PIN4: variants seen among roughly 807,000 people sequenced by gnomAD.
PIN4 encodes the protein peptidyl-prolyl cis-trans isomerase NIMA-interacting 4.
Under a neutral mutation model 8.3 loss-of-function variants are expected in PIN4, and 3 were observed. The ratio of observed to expected loss-of-function variants is 0.36; its 90% CI spans 0.16 to 0.93. The LOEUF is 0.93. Among genes scored for constraint, PIN4 ranks in the 40% least tolerant of loss-of-function variants. The pLI is 0.44. For synonymous variants in PIN4, 18 were observed against 32.5 expected (o/e 0.55, Z 1.52); for missense variants, 75 against 100.6 (o/e 0.75, Z 1.09).
intron 3 of PIN4, chrX:72,239,032 T>G: frequency 1.4e-6 from 1 of 718,779 alleles, no homozygotes; most frequent in Non-Finnish European, 2.0e-6. Flanking sequence ...GCGCATGCTC[T>G]GTGCGCCGTG....
chrX:72,182,662 T>C (rs776601954), intron 1 of PIN4, among the ~76,000 whole-genome samples: 18 of 111,454 alleles, frequency 1.6e-4, no homozygotes, highest in Non-Finnish European at 3.2e-4. Flanking sequence ...TGGGATATAA[T>C]AGAAATTGAG....
chrX:72,249,585 A>T (rs2043079191), intron 3 of PIN4, among the ~76,000 whole-genome samples: 1 of 112,174 alleles, frequency 8.9e-6, no homozygotes. Context: ...AATACCACTC[A>T]GCCACAAAAA....
chrX:72,260,229 G>A (rs931105957), intron 3 of PIN4, among the ~76,000 whole-genome samples: 1 of 112,431 alleles, frequency 8.9e-6, no homozygotes, highest in South Asian at 3.6e-4. Context: ...GCAAAGATAC[G>A]AGAGTGCTCA....
At chrX:72,201,329 T>C (rs1315170402), downstream of PIN4, among the ~76,000 whole-genome samples, 1 of 112,830 alleles carries the variant, frequency 8.9e-6, no homozygotes, top group African/African-American at 3.2e-5. Context: ...GGCTCACGCC[T>C]GTAATCCATC....
chrX:72,255,088 G>A (rs2043104656), intron 3 of PIN4, among the ~76,000 whole-genome samples: 1 of 108,593 alleles, frequency 9.2e-6, no homozygotes, highest in South Asian at 4.1e-4. Flanking sequence ...GCGGCGAGGC[G>A]GGTGGGGGCA....
chrX:72,262,721 G>T, exon 4 of PIN4: 1 of 1,144,148 alleles, frequency 8.7e-7, no homozygotes, highest in Non-Finnish European at 1.2e-6. Flanking sequence ...CCAGCCTGCA[G>T]CAACATGCTG....
rs922729283 is a variant in PIN4, at chrX:72,232,647, A to G, written c.313-30060A>G. On this transcript the variant is annotated intron_variant, in intron 3 of 3. Transcript: ENST00000423432. The stretch of plus-strand genomic sequence containing the variant: ...AACATGACGAAACCCCGTTTCTACT[A>G]AAAACACAAAAAATTAGCCGGGTGT... Among the ~76,000 whole-genome samples the G allele has an allele frequency of 2.7e-5, 3 of 111,218 alleles. No homozygotes were observed. In the Admixed American group the frequency reaches 2.9e-4, roughly 11 times the overall value.
intron 3 of PIN4, among the ~76,000 whole-genome samples, chrX:72,246,848 T>G: frequency 8.9e-6 from 1 of 112,316 alleles, no homozygotes; most frequent in Non-Finnish European, 1.9e-5. Flanking sequence ...TCATTGGGTT[T>G]ATTCCATGGA....
chrX:72,225,187 C>A (rs1234441057), intron 3 of PIN4, among the ~76,000 whole-genome samples: 3 of 111,194 alleles, frequency 2.7e-5, no homozygotes, highest in Non-Finnish European at 5.7e-5. Flanking sequence ...CCTCTACATC[C>A]CTCCTCTCAA....
downstream of PIN4, among the ~76,000 whole-genome samples, chrX:72,199,559 T>C (rs932615548): frequency 1.4e-4 from 16 of 111,159 alleles, no homozygotes; most frequent in African/African-American, 5.2e-4. Context: ...ATAAATAAAA[T>C]AAAACAATGT....
At chrX:72,250,684 C>T (rs995658210) in intron 3 of PIN4, among the ~76,000 whole-genome samples, 6 of 104,137 alleles carry the variant, frequency 5.8e-5, no homozygotes, top group Non-Finnish European at 1.2e-4. Context: ...CCCGTCTCTA[C>T]GAAAAATAAA....
intron 2 of PIN4, among the ~76,000 whole-genome samples, chrX:72,187,677 A>G (rs913167868): frequency 6.3e-5 from 7 of 111,466 alleles, no homozygotes; most frequent in Non-Finnish European, 1.3e-4. Flanking sequence ...GTGGTGCACA[A>G]CTGTGGCCCT....
At chrX:72,200,530 G>A (rs2042786279), downstream of PIN4, among the ~76,000 whole-genome samples, 1 of 111,631 alleles carries the variant, frequency 9.0e-6, no homozygotes, top group East Asian at 2.8e-4. Context: ...TTCTAGGAAG[G>A]TATACTATAA....
At chrX:72,241,141 T>C (rs2147611339) in intron 3 of PIN4, among the ~76,000 whole-genome samples, 1 of 111,555 alleles carries the variant, frequency 9.0e-6, no homozygotes, top group South Asian at 3.8e-4. Flanking sequence ...CTAAAGTGTT[T>C]GAATCACATC....
At chrX:72,226,673 AG>A (rs200365928) in intron 3 of PIN4, among the ~76,000 whole-genome samples, 1,787 of 111,838 alleles carry the variant, frequency 0.016, 23 homozygotes, top group Middle Eastern at 0.028. Flanking sequence ...CGTGAGGCTG[AG>A]TATTGGGCAA....
intron 3 of PIN4, among the ~76,000 whole-genome samples, chrX:72,210,062 AG>A (rs749054987): frequency 3.4e-4 from 37 of 108,644 alleles, no homozygotes; most frequent in African/African-American, 1.1e-3. Context: ...AAGCAACCAG[AG>A]GGGGGGAAGA....
At chrX:72,210,193 G>C (rs201236770) in intron 3 of PIN4, among the ~76,000 whole-genome samples, 2 of 79,168 alleles carry the variant, frequency 2.5e-5, no homozygotes, top group African/African-American at 5.5e-5. Context: ...TAGCGAGACT[G>C]TCTCTTAAAA....
At chrX:72,207,345 A>G in intron 3 of PIN4, 2 of 1,211,382 alleles carry the variant, frequency 1.7e-6, no homozygotes, top group Non-Finnish European at 2.2e-6. Flanking sequence ...GATGTCCCTC[A>G]TCTCGCAGCC....
rs977140273 is a variant in PIN4 at position 72,222,842 on chromosome X, C to T, written c.312+25938C>T. Among the ~76,000 whole-genome samples the T allele has an allele frequency of 1.8e-4, 19 of 106,287 alleles. No individual in the cohort carries two copies. The East Asian group carries it at 1.9e-3, about 10-fold the overall frequency. The allele number at this position is 106,287 out of a possible 115,157, so 92.3% of individuals were successfully genotyped here. On this transcript the variant is annotated intron_variant, in intron 3 of 3. Transcript: ENST00000423432. ...CGAACTCCTGACCTCGTGATCCACC[C>T]GCCTCGGCCTCCCAAAGTGCTGGGA...
Sources: allele counts gnomAD v4.1 joint callset (sites outside exome capture counted in the v4.1 genomes callset), GRCh38; gene constraint gnomAD v4.1.1; transcripts MANE v1.5; gene names NCBI Gene and HGNC (gene_info 2026-07-23, HGNC 2026-07-21).